The following LPP variants were observed in gnomAD, a reference collection of about 807,000 sequenced individuals.
LPP encodes the protein LIM domain containing preferred translocation partner in lipoma, also known as lipoma-preferred partner.
A neutral mutation model predicts 60.4 loss-of-function variants in LPP; 38 were observed. That is an observed-to-expected ratio of 0.63 (90% CI 0.49 to 0.83). LPP has a LOEUF of 0.83. Ranked by LOEUF, LPP falls within the 40% of genes least tolerant of loss-of-function variation. The pLI, the probability that LPP is intolerant of heterozygous loss-of-function variation, is 0.00. For missense variants in LPP, 902 were observed against 783.6 expected (o/e 1.15, Z -1.80); for synonymous variants, 328 against 290.8 (o/e 1.13, Z -1.30).
At chr3:188,676,489 A>G (rs538296994) in intron 7 of LPP, among the ~76,000 whole-genome samples, 2 of 151,946 alleles carry the variant, frequency 1.3e-5, no homozygotes, top group East Asian at 3.9e-4. Context: ...TGCAAAAATT[A>G]TATTTGAAAA....
intron 4 of LPP, among the ~76,000 whole-genome samples, chr3:188,471,656 G>A (rs1394107587): frequency 6.6e-6 from 1 of 152,310 alleles, no homozygotes; most frequent in Non-Finnish European, 1.5e-5. Flanking sequence ...CTGAGCTAGA[G>A]GTTCATTTGA....
chr3:188,333,972 A>T (rs1450538803), intron 2 of LPP, among the ~76,000 whole-genome samples: 1 of 151,802 alleles, frequency 6.6e-6, no homozygotes, highest in Non-Finnish European at 1.5e-5. Context: ...ACTAGAACTG[A>T]CTCCTCCTTT....
At position 188,888,137 on chromosome 3, in the gene LPP, G is replaced by T. The variant is rs1770886463; in HGVS notation, c.*13658G>T. 2 of 219,412 alleles carry T rather than the reference G, an allele frequency of 9.1e-6. No homozygotes were observed. Among genetic ancestry groups the T allele is most frequent in the East Asian group, 6.6e-5 (1 of 15,060 alleles). The allele number at this position is 219,412 out of a possible 1,614,324, so 13.6% of individuals were successfully genotyped here. Reference sequence around the variant, plus strand: ...GTTTTCTGTATAATAAACCACTTTTGTTTTGTTTGTTTTGTCTTTTAACCT... The same window carrying T: ...GTTTTCTGTATAATAAACCACTTTTTTTTTGTTTGTTTTGTCTTTTAACCT... On this transcript the variant is annotated 3_prime_UTR_variant, in exon 12 of 12. Coordinates refer to ENST00000617246, the MANE Select transcript of LPP (RefSeq NM_001375462.1).
intron 4 of LPP, among the ~76,000 whole-genome samples, chr3:188,417,021 TATG>T (rs1272598704): frequency 6.6e-6 from 1 of 152,162 alleles, no homozygotes; most frequent in Non-Finnish European, 1.5e-5. Context: ...AAAAAATCAG[TATG>T]ATATTTTTAT....
intron 9 of LPP, among the ~76,000 whole-genome samples, chr3:188,861,955 C>T (rs1362850351): frequency 2.0e-5 from 3 of 152,116 alleles, no homozygotes; most frequent in Non-Finnish European, 2.9e-5. Flanking sequence ...GGAAAAAAGT[C>T]CTCAAACAGT....
intron 8 of LPP, among the ~76,000 whole-genome samples, chr3:188,721,094 C>G (rs980355518): frequency 6.6e-6 from 1 of 152,146 alleles, no homozygotes; most frequent in African/African-American, 2.4e-5. Flanking sequence ...TATATGTAAA[C>G]TATCCATAGT....
chr3:188,795,122 A>G (rs1053344345), intron 9 of LPP, among the ~76,000 whole-genome samples: 19 of 152,190 alleles, frequency 1.2e-4, no homozygotes, highest in Non-Finnish European at 2.4e-4. Flanking sequence ...CGACAGAGCA[A>G]AACTCCGTCT....
chr3:188,245,324 G>T (rs1726526163), intron 2 of LPP, among the ~76,000 whole-genome samples: 1 of 152,146 alleles, frequency 6.6e-6, no homozygotes. Context: ...TGTTGGTCAT[G>T]CTGGTCTCGA....
chr3:188,624,660 AT>A (rs1273368157), intron 7 of LPP, among the ~76,000 whole-genome samples: 1 of 151,250 alleles, frequency 6.6e-6, no homozygotes, highest in Non-Finnish European at 1.5e-5. Flanking sequence ...TCAAGTAGAA[AT>A]ATCCTTCCTT....
At chr3:188,265,126 G>A (rs1354946695) in intron 2 of LPP, among the ~76,000 whole-genome samples, 1 of 152,186 alleles carries the variant, frequency 6.6e-6, no homozygotes, top group Non-Finnish European at 1.5e-5. Flanking sequence ...TTTAAGAACT[G>A]ACTTTAGAGG....
chr3:188,653,065 G>A (rs1034157648), intron 7 of LPP, among the ~76,000 whole-genome samples: 2 of 152,200 alleles, frequency 1.3e-5, no homozygotes, highest in East Asian at 3.9e-4. Context: ...GCCTCAAGAA[G>A]AGTCGTCTTG....
Position 188,490,077 on chromosome 3 carries a change from A to G in LPP, c.306+5373A>G, listed in dbSNP as rs182636215. Reference sequence around the variant, plus strand: ...CATTTCTCTTTGTTATTGAGTAGAAATGTGTCCCTTTATGATGTCCTCATA... The same window carrying G: ...CATTTCTCTTTGTTATTGAGTAGAAGTGTGTCCCTTTATGATGTCCTCATA... On this transcript the variant is annotated intron_variant, in intron 5 of 11. Coordinates refer to ENST00000617246, the MANE Select transcript of LPP (RefSeq NM_001375462.1). Among the ~76,000 whole-genome samples, 5 of 152,172 alleles carry G rather than the reference A, an allele frequency of 3.3e-5. No homozygotes were observed. The East Asian group carries it at 7.7e-4, about 23-fold the overall frequency.
At chr3:188,170,876 C>A (rs1291560915) in intron 1 of LPP, among the ~76,000 whole-genome samples, 1 of 152,150 alleles carries the variant, frequency 6.6e-6, no homozygotes, top group Non-Finnish European at 1.5e-5. Context: ...ATTTCCTCCC[C>A]TCTGGTAGCA....
intron 2 of LPP, among the ~76,000 whole-genome samples, chr3:188,317,007 T>C (rs1755279456): frequency 6.6e-6 from 1 of 152,222 alleles, no homozygotes; most frequent in African/African-American, 2.4e-5. Context: ...GGGAAAGCTG[T>C]GATTCAGGCT....
At chr3:188,690,446 T>G (rs1270843475) in intron 7 of LPP, among the ~76,000 whole-genome samples, 3 of 152,292 alleles carry the variant, frequency 2.0e-5, no homozygotes, top group Non-Finnish European at 1.5e-5. Context: ...GAAAGATAAG[T>G]TTTTTTCTTT....
At chr3:188,716,003 A>T (rs1472908750) in intron 8 of LPP, among the ~76,000 whole-genome samples, 1 of 151,984 alleles carries the variant, frequency 6.6e-6, no homozygotes, top group Non-Finnish European at 1.5e-5. Flanking sequence ...TTCCTTCTTT[A>T]AAAAAAAGCA....
intron 7 of LPP, among the ~76,000 whole-genome samples, chr3:188,673,227 T>C (rs1857306093): frequency 6.6e-6 from 1 of 151,802 alleles, no homozygotes; most frequent in African/African-American, 2.4e-5. Context: ...AGAAGTACCG[T>C]TTTTTTGTTT....
intron 2 of LPP, among the ~76,000 whole-genome samples, chr3:188,327,258 A>G (rs1182647979): frequency 1.3e-5 from 2 of 152,192 alleles, no homozygotes; most frequent in Non-Finnish European, 2.9e-5. Context: ...GGGATAGTTT[A>G]TGAGCCTCTA....
intron 2 of LPP, among the ~76,000 whole-genome samples, chr3:188,334,580 G>A (rs1307540247): frequency 2.6e-5 from 4 of 151,862 alleles, no homozygotes; most frequent in East Asian, 1.9e-4. Flanking sequence ...ACAGACGCGC[G>A]CTACCACGCC....
Sources: gnomAD v4.1 joint callset for allele counts (sites outside exome capture counted in the v4.1 genomes callset) on GRCh38, gnomAD v4.1.1 for gene constraint, MANE v1.5 for transcripts, NCBI Gene and HGNC (gene_info 2026-07-23, HGNC 2026-07-21) for gene names.